IL6R: variants seen among roughly 807,000 people sequenced by gnomAD.
IL6R encodes the protein interleukin 6 receptor, also known as interleukin-6 receptor subunit alpha.
A neutral mutation model predicts 48.3 loss-of-function variants in IL6R; 38 were observed. The observed-to-expected ratio is 0.79, with a 90% CI of 0.61 to 1.03. The LOEUF is 1.03. IL6R is among the 50% of genes least tolerant of loss of function. The pLI is 0.00. For missense variants in IL6R, 534 were observed against 618.3 expected, an observed-to-expected ratio of 0.86 and a Z score of 1.45; for synonymous variants, 264 against 256.2, an observed-to-expected ratio of 1.03 and a Z score of -0.29.
Position 154,465,402 on chromosome 1 carries a change from C to T in IL6R, c.*22C>T. Reference sequence around the variant, plus strand: ...ATAGCTGGCTGGGTGGCACCAGCAGCCTGGACCCTGTGGATGATAAAACAC... The same window carrying T: ...ATAGCTGGCTGGGTGGCACCAGCAGTCTGGACCCTGTGGATGATAAAACAC... On this transcript the variant is annotated 3_prime_UTR_variant, in exon 10 of 10. Coordinates refer to ENST00000368485, the MANE Select transcript of IL6R (RefSeq NM_000565.4). 1 of 1,613,212 alleles carries T rather than the reference C, an allele frequency of 6.2e-7. No homozygotes were observed. The highest frequency in any genetic ancestry group is 2.2e-5 in the East Asian group (1 of 44,876).
At chr1:154,422,270 G>A (rs1398079539) in intron 1 of IL6R, among the ~76,000 whole-genome samples, 1 of 152,158 alleles carries the variant, frequency 6.6e-6, no homozygotes, top group Admixed American at 6.5e-5. Flanking sequence ...TGCATATACT[G>A]TTCTCTCTTT....
At chr1:154,413,690 C>G (rs1324440905) in intron 1 of IL6R, among the ~76,000 whole-genome samples, 1 of 150,574 alleles carries the variant, frequency 6.6e-6, no homozygotes, top group African/African-American at 2.4e-5. Context: ...TGTTCATATT[C>G]AATGCTAATT....
At chr1:154,434,798 G>A in intron 4 of IL6R, 98 bp downstream of exon 4, 1 of 1,332,838 alleles carries the variant, frequency 7.5e-7, no homozygotes, top group Non-Finnish European at 1.0e-6. Context: ...GTGGTTGAGG[G>A]GTTTGGTGAG....
At chr1:154,417,814 C>T (rs1036451020) in intron 1 of IL6R, among the ~76,000 whole-genome samples, 2 of 150,288 alleles carry the variant, frequency 1.3e-5, no homozygotes, top group Admixed American at 1.3e-4. Context: ...GATCTCAGCT[C>T]ACTGCAACCT....
intron 9 of IL6R, among the ~76,000 whole-genome samples, chr1:154,460,570 A>G (rs1691195340): frequency 6.6e-6 from 1 of 152,234 alleles, no homozygotes; most frequent in African/African-American, 2.4e-5. Context: ...AAAAAAATAT[A>G]TGTCATCCAA....
intron 6 of IL6R, 55 bp downstream of exon 6, chr1:154,436,165 G>A (rs1329669671): frequency 1.2e-5 from 18 of 1,546,850 alleles, no homozygotes; most frequent in Non-Finnish European, 1.5e-5. Context: ...ATTGCATCAG[G>A]TATCCATTGC....
intron 2 of IL6R, among the ~76,000 whole-genome samples, chr1:154,430,001 G>A (rs1024981909): frequency 2.6e-5 from 4 of 152,018 alleles, no homozygotes; most frequent in Non-Finnish European, 5.9e-5. Flanking sequence ...CCTGTGTGTC[G>A]AGCCCTATGC....
chr1:154,417,832 T>C (rs567320012), intron 1 of IL6R, among the ~76,000 whole-genome samples: 1 of 151,304 alleles, frequency 6.6e-6, no homozygotes, highest in Non-Finnish European at 1.5e-5. Context: ...CCTTCCGGTT[T>C]CAAGCGATTC....
At chr1:154,432,530 G>A (rs1012006198) in intron 3 of IL6R, among the ~76,000 whole-genome samples, 10 of 151,958 alleles carry the variant, frequency 6.6e-5, no homozygotes, top group South Asian at 6.2e-4. Context: ...GCTAATCTTT[G>A]TATTTTTAGT....
In IL6R at chr1:154,465,217, C is replaced by T. The variant is rs142732420; in HGVS notation, c.1244C>T (p.Pro415Leu). Residue 415 changes from proline to leucine, a missense_variant, in exon 10 of 10, where the codon CCG (proline) becomes CTG (leucine). Physicochemically the swap from Pro to Leu is moderately conservative, Grantham distance 98. Coordinates refer to ENST00000368485, the MANE Select transcript of IL6R (RefSeq NM_000565.4). ...HPPYSLGQLVPERPRPTPVLV... is the reference protein window; with the variant it reads ...HPPYSLGQLVLERPRPTPVLV... Reference sequence around the variant, plus strand: ...CCGTACTCTTTGGGGCAGCTGGTCCCGGAGAGGCCTCGACCCACCCCAGTG... The same window carrying T: ...CCGTACTCTTTGGGGCAGCTGGTCCTGGAGAGGCCTCGACCCACCCCAGTG... The T allele has an allele frequency of 2.7e-5, 43 of 1,614,028 alleles. No individual in the cohort carries two copies. Among genetic ancestry groups the T allele is most frequent in the Non-Finnish European group, 3.5e-5 (41 of 1,180,036 alleles).
rs748952018 is a variant in IL6R at position 154,454,470 on chromosome 1, A to AT, written c.1067-8dup. The stretch of plus-strand genomic sequence containing the variant: ...TTCTCCTCTTCCTCCTCTATCTTCA[A>AT]TTTTTTTTTTAACCTAGTGCAAGAT... On this transcript the variant is annotated splice_polypyrimidine_tract_variant and intron_variant, in intron 8 of 9. Transcript: ENST00000368485. 2.7e-3 allele frequency: 3,606 copies of AT among 1,329,366 alleles called. No individual in the cohort carries two copies. The highest frequency in any genetic ancestry group is 3.2e-3 in the Non-Finnish European group (3,060 of 947,050). 82.3% of individuals were successfully genotyped at this position (1,329,366 alleles called of 1,614,324 possible).
Position 154,441,393 on chromosome 1 carries a change from C to T in IL6R, c.949+5283C>T, listed in dbSNP as rs140164738. ...TCTGTGGGAGCTCAGATAGAACAGT[C>T]GGTTTCTTCTCATGTAAGGAGCGGA... On this transcript the variant is annotated intron_variant, in intron 6 of 9. Transcript: ENST00000368485. Among the ~76,000 whole-genome samples, 320 of 152,256 alleles carry T rather than the reference C, an allele frequency of 2.1e-3. 1 individual carries two copies. Among genetic ancestry groups the T allele is most frequent in the Middle Eastern group, 3.4e-3 (1 of 294 alleles).
At chr1:154,428,540 T>A (rs889892566) in intron 1 of IL6R, among the ~76,000 whole-genome samples, 2 of 152,250 alleles carry the variant, frequency 1.3e-5, no homozygotes, top group African/African-American at 4.8e-5. Context: ...GTTCACACAT[T>A]CATCCAGTAC....
intron 3 of IL6R, among the ~76,000 whole-genome samples, chr1:154,432,577 C>T (rs1284886192): frequency 6.6e-6 from 1 of 152,088 alleles, no homozygotes; most frequent in African/African-American, 2.4e-5. Context: ...GGGCTGGTCT[C>T]GAACTTCTGA....
At chr1:154,411,986 C>T (rs1468064906) in intron 1 of IL6R, among the ~76,000 whole-genome samples, 3 of 136,950 alleles carry the variant, frequency 2.2e-5, no homozygotes, top group Non-Finnish European at 4.6e-5. Flanking sequence ...CTTGCTCTGT[C>T]GCCCAGGCTG....
rs946745251 is a variant in IL6R, at chr1:154,468,942, C to T, written c.*3562C>T. On this transcript the variant is annotated 3_prime_UTR_variant, in exon 10 of 10. Coordinates refer to ENST00000368485, the MANE Select transcript of IL6R (RefSeq NM_000565.4). ...CCCTTTGAGGCAAGAGCCCTGCACC[C>T]AGCTGTCCCGTGCAGCCGTGGGCAG... 6.6e-6 allele frequency: 1 copy of T among 152,182 alleles called. No homozygotes were observed. Among genetic ancestry groups the T allele is most frequent in the African/African-American group, 2.4e-5 (1 of 41,420 alleles). 9.4% of individuals were successfully genotyped at this position (152,182 alleles called of 1,614,324 possible).
intron 9 of IL6R, among the ~76,000 whole-genome samples, chr1:154,461,092 CAGAG>C (rs1382402329): frequency 6.6e-6 from 1 of 152,164 alleles, no homozygotes; most frequent in Admixed American, 6.6e-5. Flanking sequence ...GTAGCTGAAG[CAGAG>C]AGCAGGCAGC....
rs761749675 is a variant in IL6R at position 154,429,411 on chromosome 1, C to T, written c.301C>T (p.Arg101Cys). ...AAACTATTCATGCTACCGGGCCGGC[C>T]GCCCAGCTGGGACTGTGCACTTGCT... ...SGNYSCYRAGRPAGTVHLLVD... is the reference protein window; with the variant it reads ...SGNYSCYRAGCPAGTVHLLVD... Residue 101 changes from arginine (R) to cysteine (C), a missense_variant, in exon 2 of 10, where the codon CGC (arginine) becomes TGC (cysteine). By Grantham distance (180) the Arg-to-Cys change is radical. Coordinates refer to ENST00000368485, the MANE Select transcript of IL6R (RefSeq NM_000565.4). The T allele has an allele frequency of 3.0e-5, 48 of 1,613,722 alleles. 1 individual carries two copies. In the Admixed American group the frequency reaches 5.5e-4, roughly 18 times the overall value.
At chr1:154,449,078 G>A (rs61812599) in intron 7 of IL6R, among the ~76,000 whole-genome samples, 18,459 of 144,850 alleles carry the variant, frequency 0.13, 1,386 homozygotes, top group South Asian at 0.17. Flanking sequence ...TGTATTTTTA[G>A]TAGAGACGGG....
Sources: gnomAD v4.1 joint callset for allele counts (sites outside exome capture counted in the v4.1 genomes callset) on GRCh38, gnomAD v4.1.1 for gene constraint, MANE v1.5 for transcripts, NCBI Gene and HGNC (gene_info 2026-07-23, HGNC 2026-07-21) for gene names.